The following CCDC192 variants were observed in gnomAD, a reference collection of about 807,000 sequenced individuals.
The protein encoded by CCDC192 is coiled-coil domain-containing protein 192.
At chr5:127,762,633 T>C (rs1397441665) in intron 3 of CCDC192, among the ~76,000 whole-genome samples, 1 of 152,200 alleles carries the variant, frequency 6.6e-6, no homozygotes, top group Non-Finnish European at 1.5e-5. Context: ...TTCCTTTTGC[T>C]TGTAAATGTC....
At chr5:127,852,509 G>C (rs1395891795) in intron 5 of CCDC192, among the ~76,000 whole-genome samples, 1 of 152,082 alleles carries the variant, frequency 6.6e-6, no homozygotes, top group Non-Finnish European at 1.5e-5. Flanking sequence ...ACAAACTTCT[G>C]TGGCATTCAC....
chr5:127,708,573 T>A (rs1301458930), intron 2 of CCDC192, among the ~76,000 whole-genome samples: 1 of 152,184 alleles, frequency 6.6e-6, no homozygotes, highest in Non-Finnish European at 1.5e-5. Flanking sequence ...GGAGAAAAAT[T>A]ACAGACTAAG....
intron 6 of CCDC192, among the ~76,000 whole-genome samples, chr5:127,937,492 C>T (rs1383959065): frequency 6.6e-6 from 1 of 152,148 alleles, no homozygotes; most frequent in African/African-American, 2.4e-5. Context: ...CTCTTTCTGC[C>T]ATGTGAGGAC....
At chr5:127,715,339 A>G (rs1751569592) in intron 2 of CCDC192, among the ~76,000 whole-genome samples, 1 of 152,196 alleles carries the variant, frequency 6.6e-6, no homozygotes, top group African/African-American at 2.4e-5. Flanking sequence ...TCTTCTGCAT[A>G]TGGATGTCCA....
At chr5:127,733,704 C>A (rs922598405) in intron 2 of CCDC192, among the ~76,000 whole-genome samples, 2 of 152,088 alleles carry the variant, frequency 1.3e-5, no homozygotes, top group African/African-American at 4.8e-5. Context: ...TATAACCTGT[C>A]ACTTTCCCTG....
intron 2 of CCDC192, among the ~76,000 whole-genome samples, chr5:127,732,679 TC>T (rs1284465690): frequency 2.0e-5 from 3 of 152,176 alleles, no homozygotes; most frequent in Non-Finnish European, 4.4e-5. Context: ...AGGAATGAGA[TC>T]TTGTCCTTCA....
chr5:127,714,707 T>C (rs1408356003), intron 2 of CCDC192, among the ~76,000 whole-genome samples: 2 of 152,192 alleles, frequency 1.3e-5, no homozygotes, highest in Admixed American at 6.5e-5. Context: ...ACCTCCCTAC[T>C]CTTTTCCACA....
At chr5:127,903,795 A>G (rs1753122833) in intron 6 of CCDC192, among the ~76,000 whole-genome samples, 2 of 152,222 alleles carry the variant, frequency 1.3e-5, no homozygotes, top group African/African-American at 4.8e-5. Flanking sequence ...AAAAAGAAAT[A>G]AAATCCAAAG....
At chr5:127,720,760 T>C (rs1580529900) in intron 2 of CCDC192, among the ~76,000 whole-genome samples, 1 of 152,234 alleles carries the variant, frequency 6.6e-6, no homozygotes, top group East Asian at 1.9e-4. Flanking sequence ...TCTCATATTC[T>C]GCACCCACAG....
chr5:127,866,209 A>T (rs2127115974), intron 5 of CCDC192, among the ~76,000 whole-genome samples: 1 of 152,242 alleles, frequency 6.6e-6, no homozygotes, highest in East Asian at 1.9e-4. Context: ...CTAACTTCTT[A>T]CATTGCCCAG....
chr5:127,736,967 G>C (rs1175876786), intron 2 of CCDC192, among the ~76,000 whole-genome samples: 4 of 150,768 alleles, frequency 2.7e-5, no homozygotes, highest in Non-Finnish European at 4.4e-5. Context: ...CTTGCCTTCT[G>C]CTAGCTTTTG....
At chr5:127,779,065 A>G (rs1284069785) in intron 3 of CCDC192, among the ~76,000 whole-genome samples, 3 of 152,050 alleles carry the variant, frequency 2.0e-5, no homozygotes, top group Admixed American at 6.6e-5. Flanking sequence ...CAAGGAACCA[A>G]TATTTGGTTT....
chr5:127,704,923 C>T (rs1476375044), intron 1 of CCDC192, among the ~76,000 whole-genome samples: 2 of 151,680 alleles, frequency 1.3e-5, no homozygotes, highest in African/African-American at 2.4e-5. Flanking sequence ...ACTAGTCCTC[C>T]AATTTGACAT....
intron 5 of CCDC192, among the ~76,000 whole-genome samples, chr5:127,856,937 CAAGAGTTACCAAGATGTGACAA>C (rs1373866008): frequency 3.3e-5 from 5 of 152,162 alleles, no homozygotes; most frequent in African/African-American, 1.2e-4. Flanking sequence ...TGAAATATTA[CAAGAGTTACCAAGATGTGACAA>C]AGTTAGCACG....
chr5:127,799,242 CTTG>C (rs959636300), intron 5 of CCDC192, among the ~76,000 whole-genome samples: 6 of 152,106 alleles, frequency 3.9e-5, no homozygotes, highest in African/African-American at 1.4e-4. Flanking sequence ...AATGAACTGA[CTTG>C]GGTAAAATAT....
At chr5:127,811,366 G>A (rs982452836) in intron 5 of CCDC192, among the ~76,000 whole-genome samples, 2 of 152,106 alleles carry the variant, frequency 1.3e-5, no homozygotes, top group African/African-American at 4.8e-5. Flanking sequence ...TAGGAGTTGG[G>A]GGTAGTGTTG....
chr5:127,904,439 G>A (rs1753141533), intron 6 of CCDC192, among the ~76,000 whole-genome samples: 2 of 151,226 alleles, frequency 1.3e-5, no homozygotes, highest in African/African-American at 4.9e-5. Context: ...CTTAGCACAT[G>A]GTTTGTACAG....
At chr5:127,781,163 C>T (rs1279542002) in intron 3 of CCDC192, among the ~76,000 whole-genome samples, 1 of 151,924 alleles carries the variant, frequency 6.6e-6, no homozygotes, top group Non-Finnish European at 1.5e-5. Flanking sequence ...TTTTTCTGGA[C>T]TCTCTATTCT....
At chr5:127,883,636 G>C (rs1475340558) in intron 6 of CCDC192, among the ~76,000 whole-genome samples, 1 of 152,162 alleles carries the variant, frequency 6.6e-6, no homozygotes, top group Non-Finnish European at 1.5e-5. Flanking sequence ...TCTGTTTCAG[G>C]AGTCCCTGCA....
Sources: allele counts gnomAD v4.1 joint callset (sites outside exome capture counted in the v4.1 genomes callset), GRCh38; gene constraint gnomAD v4.1.1; transcripts MANE v1.5; gene names NCBI Gene and HGNC (gene_info 2026-07-23, HGNC 2026-07-21).